Variants in MMP17 observed in about 807,000 individuals in gnomAD.
MMP17 encodes the protein matrix metalloproteinase-17.
In MMP17, 54 loss-of-function variants were observed where a neutral mutation model predicts 49.1. That is an observed-to-expected ratio of 1.10 (90% confidence interval 0.88 to 1.38). The LOEUF is 1.38. Ranked by LOEUF, MMP17 falls within the 40% of genes most tolerant of loss-of-function variation. MMP17 has a pLI of 0.00. For synonymous variants in MMP17, 397 were observed against 383.1 expected (o/e 1.04, Z -0.42); for missense variants, 837 against 853.7 (o/e 0.98, Z 0.24).
chr12:131,837,537 C>G (rs1887142486), intron 1 of MMP17, among the ~76,000 whole-genome samples: 1 of 152,174 alleles, frequency 6.6e-6, no homozygotes, highest in South Asian at 2.1e-4. Flanking sequence ...GCTAGACTTC[C>G]CTGTCACAAG....
chr12:131,840,515 G>A (rs948043136), intron 3 of MMP17, 58 bp from the exon 4 acceptor site: 182 of 1,516,260 alleles, frequency 1.2e-4, no homozygotes, highest in Non-Finnish European at 1.5e-4. Context: ...AGGGAACCTC[G>A]GCCTGGGGCA....
At chr12:131,830,557 C>T (rs148931338) in intron 1 of MMP17, among the ~76,000 whole-genome samples, 291 of 152,326 alleles carry the variant, frequency 1.9e-3, no homozygotes, top group Middle Eastern at 6.8e-3. Context: ...GGCCCAGGGG[C>T]GGGCGGCTTC....
At chr12:131,829,272 T>G (rs1445978275) in intron 1 of MMP17, among the ~76,000 whole-genome samples, 1 of 152,084 alleles carries the variant, frequency 6.6e-6, no homozygotes, top group Non-Finnish European at 1.5e-5. Context: ...GGTACAGTGC[T>G]GAGCCGGGGG....
chr12:131,842,231 A>G (rs1206438156), intron 5 of MMP17, among the ~76,000 whole-genome samples: 1 of 152,182 alleles, frequency 6.6e-6, no homozygotes, highest in African/African-American at 2.4e-5. Context: ...CTGGGTTCAC[A>G]TCAGGAAGTG....
intron 1 of MMP17, among the ~76,000 whole-genome samples, chr12:131,836,746 G>A (rs761882978): frequency 1.3e-5 from 2 of 152,130 alleles, no homozygotes; most frequent in Non-Finnish European, 2.9e-5. Flanking sequence ...GTACCTTTCT[G>A]GAGCCCGCCT....
At chr12:131,831,421 C>T (rs1041185314) in intron 1 of MMP17, among the ~76,000 whole-genome samples, 2 of 152,170 alleles carry the variant, frequency 1.3e-5, no homozygotes, top group East Asian at 2.0e-4. Flanking sequence ...AGGTGGCAGC[C>T]GCCCTCCATG....
At chr12:131,843,972 C>T in intron 5 of MMP17, 25 bp from the exon 6 acceptor site, 2 of 1,513,764 alleles carry the variant, frequency 1.3e-6, no homozygotes, top group Non-Finnish European at 1.8e-6. Context: ...GGGTTTGAGG[C>T]CGTCCTCCTC....
In MMP17 at chr12:131,841,030, G is replaced by A. The variant is rs151024728; in HGVS notation, c.706+174G>A. 4.6e-4 allele frequency among the ~76,000 whole-genome samples: 70 copies of A among 152,350 alleles called. No individual in the cohort carries two copies. In the East Asian group the frequency reaches 0.013, roughly 28 times the overall value. ...ATCTCACAGCATCTGTGCTCGGCCC[G>A]GCTGACCTCGCTGGGTGCTGGCCTG... is the stretch of plus-strand genomic sequence containing the variant. On this transcript the variant is annotated intron_variant, in intron 4 of 9. Transcript: ENST00000360564.
chr12:131,840,954 A>C, intron 4 of MMP17, 98 bp downstream of exon 4: 1 of 1,361,348 alleles, frequency 7.3e-7, no homozygotes, highest in African/African-American at 1.5e-5. Context: ...CCTGCGGCTG[A>C]AAACACACGC....
intron 4 of MMP17, 110 bp downstream of exon 4, chr12:131,840,966 G>T: frequency 7.7e-7 from 1 of 1,305,588 alleles, no homozygotes; most frequent in Non-Finnish European, 1.0e-6. Flanking sequence ...AACACACGCG[G>T]CTGCTCCTGA....
chr12:131,842,045 TGGCGTCCCA>T (rs1176499932), intron 5 of MMP17, among the ~76,000 whole-genome samples: 1 of 152,218 alleles, frequency 6.6e-6, no homozygotes, highest in East Asian at 1.9e-4. Context: ...GCAGGGTTGA[TGGCGTCCCA>T]GGCCTGTGCA....
At chr12:131,838,884 G>A (rs1404914528) in intron 3 of MMP17, 143 bp downstream of exon 3, 2 of 1,045,472 alleles carry the variant, frequency 1.9e-6, no homozygotes, top group East Asian at 5.3e-5. Flanking sequence ...TGGCCAGGGT[G>A]AGGAACAGGG....
In MMP17 at chr12:131,838,722, A is replaced by G. The variant is rs1426507254; in HGVS notation, c.403A>G (p.Lys135Glu). 2 of 1,589,946 alleles carry G rather than the reference A, an allele frequency of 1.3e-6. No individual in the cohort carries two copies. The highest frequency in any genetic ancestry group is 3.5e-5 in the Admixed American group (2 of 56,546). The change falls in exon 3 of 10, where the codon AAG (lysine) becomes GAG (glutamate). Residue 135 changes from lysine to glutamate, a missense_variant. Coordinates refer to ENST00000360564, the MANE Select transcript of MMP17 (RefSeq NM_016155.7). The part of the protein sequence containing the change: ...RQAPAPTKWN[K>E]RNLSWRVRTF... ...GGCTCCAGCCCCCACCAAGTGGAAC[A>G]AGAGGAACCTGTCGTGGAGGTGGGT...
Position 131,841,724 on chromosome 12 carries a change from C to G in MMP17, c.807C>G (p.Tyr269Ter). 6.2e-7 allele frequency: 1 copy of G among 1,613,762 alleles called. No homozygotes were observed. The highest frequency in any genetic ancestry group is 8.5e-7 in the Non-Finnish European group (1 of 1,179,940). ...CTGCACACTCCATCATGCGGCCGTA[C>G]TACCAGGGCCCGGTGGGTGACCCGC... ...VAAAHSIMRPYYQGPVGDPLR... is the reference protein window; with the variant it reads ...VAAAHSIMRP The change falls in exon 5 of 10, where the codon TAC becomes TAG. Residue 269 changes from tyrosine to a stop codon, truncating the protein, a stop_gained. Coordinates refer to ENST00000360564, the MANE Select transcript of MMP17 (RefSeq NM_016155.7). LOFTEE classifies it high-confidence loss of function.
rs773917004 is a variant in MMP17 at position 131,850,004 on chromosome 12, C to G, written c.1407C>G (p.Ser469Arg). ...RHMDPGYPAQ[S>R]PLWRGVPSTL... ...TGGACCCCGGCTACCCCGCCCAGAG[C>G]CCCCTGTGGAGGGGTGTCCCCAGCA... Residue 469 changes from serine (S) to arginine (R), a missense_variant, in exon 9 of 10, where the codon AGC becomes AGG. Coordinates refer to ENST00000360564, the MANE Select transcript of MMP17 (RefSeq NM_016155.7). 6.2e-7 allele frequency: 1 copy of G among 1,613,536 alleles called. No individual in the cohort carries two copies. Among genetic ancestry groups the G allele is most frequent in the Admixed American group, 1.7e-5 (1 of 60,012 alleles).
intron 1 of MMP17, among the ~76,000 whole-genome samples, chr12:131,833,510 G>A (rs745361801): frequency 2.9e-4 from 44 of 152,234 alleles, no homozygotes; most frequent in Non-Finnish European, 6.0e-4. Context: ...CACTCCAACC[G>A]AGGGTCAGCC....
chr12:131,838,622 C>A lies in MMP17; in HGVS notation c.303C>A (p.Thr101=). ...LEATGILDEA[T]LALMKTPRCS... is the part of the protein sequence containing the mutation. ...ATGCTTTCCCTGCAGACGAGGCCAC[C>A]CTGGCCCTGATGAAAACCCCACGCT... Residue 101 remains threonine (T), a synonymous_variant, in exon 3 of 10, where the codon ACC becomes ACA. Coordinates refer to ENST00000360564, the MANE Select transcript of MMP17 (RefSeq NM_016155.7). 6.2e-7 allele frequency: 1 copy of A among 1,610,872 alleles called. No homozygotes were observed. The highest frequency in any genetic ancestry group is 8.5e-7 in the Non-Finnish European group (1 of 1,179,492).
intron 5 of MMP17, 73 bp from the exon 6 acceptor site, chr12:131,843,924 A>G (rs2136332577): frequency 2.6e-6 from 3 of 1,138,572 alleles, no homozygotes; most frequent in Non-Finnish European, 3.7e-6. Flanking sequence ...CCTGGGATTC[A>G]GAAGGGCTGG....
In MMP17 at chr12:131,846,463, A is replaced by C. The variant is rs544877596; in HGVS notation, c.1204+1014A>C. 6.6e-6 allele frequency among the ~76,000 whole-genome samples: 1 copy of C among 151,290 alleles called. No individual in the cohort carries two copies. The highest frequency in any genetic ancestry group is 2.4e-5 in the African/African-American group (1 of 41,092). ...GTGATCTCAGCTCACTGCAACCTTCACCTCCCAGGTTGCAATTCTCCTGCC... is the reference window on the plus strand; with the variant it reads ...GTGATCTCAGCTCACTGCAACCTTCCCCTCCCAGGTTGCAATTCTCCTGCC... On this transcript the variant is annotated intron_variant, in intron 8 of 9. Coordinates refer to ENST00000360564, the MANE Select transcript of MMP17 (RefSeq NM_016155.7). The surrounding 1 kb of genome is among the most constrained non-coding windows in gnomAD (Gnocchi z 4.6).
Sources: allele counts gnomAD v4.1 joint callset (sites outside exome capture counted in the v4.1 genomes callset), GRCh38; gene constraint gnomAD v4.1.1; non-coding constraint Gnocchi (gnomAD v3.1); transcripts MANE v1.5; gene names NCBI Gene and HGNC (gene_info 2026-07-23, HGNC 2026-07-21).